The following VAV3 variants were observed in gnomAD, a reference collection of about 807,000 sequenced individuals.
The protein encoded by VAV3 is guanine nucleotide exchange factor VAV3.
A neutral mutation model predicts 131.2 loss-of-function variants in VAV3; 94 were observed. The ratio of observed to expected loss-of-function variants is 0.72; its 90% CI spans 0.61 to 0.85. VAV3 has a LOEUF of 0.85. Among genes scored for constraint, VAV3 ranks in the 40% least tolerant of loss-of-function variants. The pLI, the probability that VAV3 is intolerant of heterozygous loss-of-function variation, is 0.00. For synonymous variants in VAV3, 349 were observed against 342.0 expected (o/e 1.02, Z -0.22); for missense variants, 939 against 1,002.7 (o/e 0.94, Z 0.86).
intron 21 of VAV3, among the ~76,000 whole-genome samples, chr1:107,611,238 A>G (rs1652702102): frequency 6.6e-6 from 1 of 152,336 alleles, no homozygotes; most frequent in Non-Finnish European, 1.5e-5. Context: ...CAGATTTTCA[A>G]ATGAGGAATA....
chr1:107,786,936 T>C (rs906840255), intron 2 of VAV3, among the ~76,000 whole-genome samples: 1 of 152,150 alleles, frequency 6.6e-6, no homozygotes, highest in Non-Finnish European at 1.5e-5. Context: ...GAGAGTATGA[T>C]GAAAGCTATC....
At chr1:107,587,471 A>G (rs1263207238) in intron 25 of VAV3, among the ~76,000 whole-genome samples, 1 of 152,254 alleles carries the variant, frequency 6.6e-6, no homozygotes, top group African/African-American at 2.4e-5. Context: ...TTTTCAAGCA[A>G]GAGACTAGTA....
At chr1:107,895,661 CTGGTA>C (rs767794571) in intron 1 of VAV3, among the ~76,000 whole-genome samples, 1 of 152,140 alleles carries the variant, frequency 6.6e-6, no homozygotes, top group Non-Finnish European at 1.5e-5. Flanking sequence ...GAAAGAAAAA[CTGGTA>C]TTATTGGCCA....
Position 107,765,075 on chromosome 1 carries a change from C to T in VAV3, c.921+1G>A, listed in dbSNP as rs1271927820. 1 of 1,606,732 alleles carries T rather than the reference C, an allele frequency of 6.2e-7. No homozygotes were observed. The highest frequency in any genetic ancestry group is 1.7e-5 in the Admixed American group (1 of 59,584). On this transcript the variant is annotated splice_donor_variant, in intron 9 of 26. Coordinates refer to ENST00000370056, the MANE Select transcript of VAV3 (RefSeq NM_006113.5). LOFTEE classifies it high-confidence loss of function. ...GTCATAAACTAAAAATAAATAGGCACCTCTAATTTCAGTTTGACATCTTCT... is the reference window on the plus strand; with the variant it reads ...GTCATAAACTAAAAATAAATAGGCATCTCTAATTTCAGTTTGACATCTTCT...
intron 20 of VAV3, among the ~76,000 whole-genome samples, chr1:107,640,603 G>A (rs1015228687): frequency 1.3e-5 from 2 of 152,124 alleles, no homozygotes; most frequent in Non-Finnish European, 2.9e-5. Context: ...ACGTATGTGT[G>A]TGTTCAAACT....
intron 19 of VAV3, among the ~76,000 whole-genome samples, chr1:107,673,409 G>T (rs1657964971): frequency 6.6e-6 from 1 of 152,016 alleles, no homozygotes; most frequent in Non-Finnish European, 1.5e-5. Flanking sequence ...TCCAACTCAG[G>T]GCCTTTCTTG....
At chr1:107,898,842 T>C (rs927161002) in intron 1 of VAV3, among the ~76,000 whole-genome samples, 3 of 152,196 alleles carry the variant, frequency 2.0e-5, no homozygotes, top group Non-Finnish European at 4.4e-5. Flanking sequence ...GCAATGTAGT[T>C]CCATTTAAAA....
chr1:107,753,864 C>T (rs115276044), intron 12 of VAV3, among the ~76,000 whole-genome samples: 2,144 of 151,974 alleles, frequency 0.014, 43 homozygotes, highest in African/African-American at 0.049. Context: ...CCGGCCAATG[C>T]TATATATATT....
intron 19 of VAV3, among the ~76,000 whole-genome samples, chr1:107,666,849 A>G (rs1657445749): frequency 1.3e-5 from 2 of 152,286 alleles, no homozygotes; most frequent in South Asian, 4.1e-4. Context: ...TCCATTTTAA[A>G]GAAGTTAAGG....
chr1:107,915,659 T>C (rs1424200658), intron 1 of VAV3, among the ~76,000 whole-genome samples: 2 of 152,228 alleles, frequency 1.3e-5, no homozygotes, highest in Non-Finnish European at 2.9e-5. Flanking sequence ...ATTTTGCTAG[T>C]TGATGAGCAC....
chr1:107,768,410 C>A lies in VAV3; in HGVS notation c.717+31G>T, dbSNP rs1396057043. ...GAAATGAAGATTTTATTGAAGTACACCACAATTTTAGCTAGCATATTTTTA... is the reference window on the plus strand; with the variant it reads ...GAAATGAAGATTTTATTGAAGTACAACACAATTTTAGCTAGCATATTTTTA... On this transcript the variant is annotated intron_variant, in intron 7 of 26. Coordinates refer to ENST00000370056, the MANE Select transcript of VAV3 (RefSeq NM_006113.5). The A allele has an allele frequency of 5.7e-6, 9 of 1,567,800 alleles. No individual in the cohort carries two copies. In the East Asian group the frequency reaches 1.1e-4, roughly 20 times the overall value.
intron 2 of VAV3, among the ~76,000 whole-genome samples, chr1:107,825,269 G>A (rs116273455): frequency 2.8e-3 from 433 of 152,226 alleles, no homozygotes; most frequent in Admixed American, 6.5e-3. Flanking sequence ...AAATGACTGT[G>A]TAGCAAGTAT....
chr1:107,889,578 T>A (rs1050914491), intron 1 of VAV3, among the ~76,000 whole-genome samples: 6 of 152,178 alleles, frequency 3.9e-5, no homozygotes, highest in Admixed American at 2.6e-4. Context: ...TATATACTAT[T>A]ATGGCTGTTT....
chr1:107,608,666 G>A (rs1260702304), intron 22 of VAV3, among the ~76,000 whole-genome samples: 1 of 152,206 alleles, frequency 6.6e-6, no homozygotes, highest in African/African-American at 2.4e-5. Context: ...CCAGAGGAGG[G>A]AAGGTGGAGG....
At position 107,683,493 on chromosome 1, in the gene VAV3, T is replaced by C. The variant is rs1658790104; in HGVS notation, c.1772A>G (p.Asp591Gly). Residue 591 changes from aspartate (D) to glycine (G), a missense_variant, in exon 19 of 27, where the codon GAT (aspartate) becomes GGT (glycine). Coordinates refer to ENST00000370056, the MANE Select transcript of VAV3 (RefSeq NM_006113.5). ...NGLRRTPKQVDPGLPKMQVIR... is the reference protein window; with the variant it reads ...NGLRRTPKQVGPGLPKMQVIR... ...AGGTTTAATCAGAAACACACCTGGA[T>C]CCACCTGTTTAGGAGTTCTTCGCAG... 3 of 1,614,054 alleles carry C rather than the reference T, an allele frequency of 1.9e-6. No individual in the cohort carries two copies. The highest frequency in any genetic ancestry group is 2.5e-6 in the Non-Finnish European group (3 of 1,179,920).
intron 21 of VAV3, 77 bp downstream of exon 21, chr1:107,617,490 T>G: frequency 7.6e-7 from 1 of 1,312,306 alleles, no homozygotes; most frequent in Non-Finnish European, 1.1e-6. Context: ...GCCAGTATCC[T>G]TTGTAGATTT....
chr1:107,824,528 G>A (rs754280083), intron 2 of VAV3, among the ~76,000 whole-genome samples: 5 of 152,140 alleles, frequency 3.3e-5, no homozygotes, highest in Admixed American at 6.5e-5. Flanking sequence ...AGCCTTCTGA[G>A]GAAGTAAGCA....
chr1:107,757,347 T>A lies in VAV3; in HGVS notation c.1018-18A>T, dbSNP rs775734742. 1 of 1,596,414 alleles carries A rather than the reference T, an allele frequency of 6.3e-7. No individual in the cohort carries two copies. The highest frequency in any genetic ancestry group is 1.3e-5 in the African/African-American group (1 of 74,134). ...ACCAGTTCCTATTTGGAAGATATGGTTTAGTACTACTTTCATCAAATTAAA... is the reference window on the plus strand; with the variant it reads ...ACCAGTTCCTATTTGGAAGATATGGATTAGTACTACTTTCATCAAATTAAA... On this transcript the variant is annotated intron_variant, in intron 10 of 26. Transcript: ENST00000370056.
chr1:107,746,963 T>C (rs1168519815), intron 15 of VAV3, among the ~76,000 whole-genome samples: 1 of 151,482 alleles, frequency 6.6e-6, no homozygotes, highest in Non-Finnish European at 1.5e-5. Flanking sequence ...CACTGCAACC[T>C]CCGCCTCTCA....
Sources: allele counts gnomAD v4.1 joint callset (sites outside exome capture counted in the v4.1 genomes callset), GRCh38; gene constraint gnomAD v4.1.1; transcripts MANE v1.5; gene names NCBI Gene and HGNC (gene_info 2026-07-23, HGNC 2026-07-21).